SORL1: variants seen among roughly 807,000 people sequenced by gnomAD.
SORL1 encodes the protein sortilin-related receptor.
A neutral mutation model predicts 273.7 loss-of-function variants in SORL1; 127 were observed. The observed-to-expected ratio is 0.46, with a 90% CI of 0.40 to 0.54. SORL1 has a LOEUF of 0.54. Ranked by LOEUF, SORL1 falls within the 20% of genes least tolerant of loss-of-function variation. The pLI, the probability that SORL1 is intolerant of heterozygous loss-of-function variation, is 0.00. For missense variants in SORL1, 2,494 were observed against 2,846.1 expected (o/e 0.88, Z 2.81); for synonymous variants, 1,031 against 1,067.4 (o/e 0.97, Z 0.66).
At chr11:121,566,870 T>C in intron 21 of SORL1, 70 bp from the exon 22 acceptor site, 1 of 1,434,054 alleles carries the variant, frequency 7.0e-7, no homozygotes, top group Non-Finnish European at 9.4e-7. Context: ...GCAGTGGGTC[T>C]CCTTCTTGTA....
At chr11:121,545,638 G>A (rs964491378) in intron 14 of SORL1, among the ~76,000 whole-genome samples, 1 of 152,192 alleles carries the variant, frequency 6.6e-6, no homozygotes, top group Non-Finnish European at 1.5e-5. Flanking sequence ...CAGGTAATGC[G>A]GTAGAGGTGT....
At chr11:121,465,329 C>T (rs1193281698) in intron 1 of SORL1, among the ~76,000 whole-genome samples, 1 of 152,182 alleles carries the variant, frequency 6.6e-6, no homozygotes, top group Non-Finnish European at 1.5e-5. Flanking sequence ...GGTTCAGCCA[C>T]ATTGTAGCAT....
chr11:121,584,837 G>A (rs1411878444), intron 26 of SORL1, among the ~76,000 whole-genome samples: 3 of 152,122 alleles, frequency 2.0e-5, no homozygotes, highest in African/African-American at 7.2e-5. Context: ...CAAGTGATCT[G>A]CCCACCTTGG....
At chr11:121,565,357 C>T (rs947592731) in intron 21 of SORL1, among the ~76,000 whole-genome samples, 2 of 152,126 alleles carry the variant, frequency 1.3e-5, no homozygotes, top group South Asian at 4.1e-4. Flanking sequence ...ACGTTGTTGC[C>T]ATAGCATTGT....
Position 121,595,637 on chromosome 11 carries a change from G to A in SORL1, c.4384G>A (p.Ala1462Thr), listed in dbSNP as rs1290799287. The A allele has an allele frequency of 6.9e-6, 11 of 1,605,816 alleles. No individual in the cohort carries two copies. Among genetic ancestry groups the A allele is most frequent in the Non-Finnish European group, 9.4e-6 (11 of 1,175,972 alleles). ...TTTTATTTTAGCAAACGTCACTGCT[G>A]CCTCCACTCCCACCCAACTTGGGCG... ...ACPLLANVTA[A>T]STPTQLGRCD... Residue 1462 changes from alanine to threonine, a missense_variant, in exon 32 of 48, where the codon GCC (alanine) becomes ACC (threonine). Coordinates refer to ENST00000260197, the MANE Select transcript of SORL1 (RefSeq NM_003105.6). The surrounding 1 kb of genome is among the most constrained non-coding windows in gnomAD (Gnocchi z 5.1).
At position 121,596,989 on chromosome 11, in the gene SORL1, A is replaced by G. The variant is rs1278712704; in HGVS notation, c.4519+1217A>G. Among the ~76,000 whole-genome samples, 1 of 152,156 alleles carries G rather than the reference A, an allele frequency of 6.6e-6. No homozygotes were observed. Among genetic ancestry groups the G allele is most frequent in the Non-Finnish European group, 1.5e-5 (1 of 68,030 alleles). On this transcript the variant is annotated intron_variant, in intron 32 of 47. Coordinates refer to ENST00000260197, the MANE Select transcript of SORL1 (RefSeq NM_003105.6). This position sits in a 1 kb window ranked among gnomAD's most constrained non-coding sequence, Gnocchi z 4.3. ...ATTCAGTATTTACAAAATTTATGGG[A>G]CTTAGCAGGATCATGTGGAAGTGCT...
At position 121,627,789 on chromosome 11, in the gene SORL1, G is replaced by T. The variant is rs746515313; in HGVS notation, c.6577+22G>T. ...CTGGGTAAGTGGGGCAGGGAGAGTCGGTTCTTCCTCCCAGGGCTGACCCCC... is the reference window on the plus strand; with the variant it reads ...CTGGGTAAGTGGGGCAGGGAGAGTCTGTTCTTCCTCCCAGGGCTGACCCCC... On this transcript the variant is annotated intron_variant, in intron 47 of 47. Coordinates refer to ENST00000260197, the MANE Select transcript of SORL1 (RefSeq NM_003105.6). This position sits in a 1 kb window ranked among gnomAD's most constrained non-coding sequence, Gnocchi z 4.9. The T allele has an allele frequency of 1.3e-6, 2 of 1,579,832 alleles. No individual in the cohort carries two copies. The highest frequency in any genetic ancestry group is 1.1e-5 in the South Asian group (1 of 89,692).
intron 21 of SORL1, among the ~76,000 whole-genome samples, chr11:121,561,247 G>A (rs1211359568): frequency 6.6e-6 from 1 of 152,150 alleles, no homozygotes; most frequent in South Asian, 2.1e-4. Context: ...TGGCTACCCG[G>A]TCACAACTTA....
chr11:121,606,902 T>C lies in SORL1; in HGVS notation c.5006T>C (p.Ile1669Thr). The C allele has an allele frequency of 5.6e-6, 9 of 1,614,150 alleles. No homozygotes were observed. The highest frequency in any genetic ancestry group is 2.2e-5 in the South Asian group (2 of 91,088). ...LSLPREAEGV[I>T]VGHWAPPIHT... ...CTCCCCAGGGAAGCAGAAGGTGTGA[T>C]TGTAGGCCACTGGGCTCCTCCCATC... The change falls in exon 36 of 48, where the codon ATT becomes ACT. Residue 1669 changes from isoleucine to threonine, a missense_variant. Ile to Thr is a moderately conservative substitution (Grantham distance 89). Around this residue, in one of 3 missense-constraint regions of SORL1, gnomAD observed 1,609 missense variants for 1,816.4 expected, o/e 0.89. Coordinates refer to ENST00000260197, the MANE Select transcript of SORL1 (RefSeq NM_003105.6).
At chr11:121,485,950 C>T (rs899727625) in intron 3 of SORL1, among the ~76,000 whole-genome samples, 2 of 152,140 alleles carry the variant, frequency 1.3e-5, no homozygotes, top group Non-Finnish European at 2.9e-5. Flanking sequence ...CAAAATATGT[C>T]CCTGGGAAGT....
chr11:121,452,883 T>C lies in SORL1; in HGVS notation c.285+267T>C, dbSNP rs2134757638. ...CCAGGGTGTGTGCAGAGAGATGTAG[T>C]TTCCGGCAGGTATAGGAGGGGTGCA... On this transcript the variant is annotated intron_variant, in intron 1 of 47. Coordinates refer to ENST00000260197, the MANE Select transcript of SORL1 (RefSeq NM_003105.6). The surrounding 1 kb of genome is among the most constrained non-coding windows in gnomAD (Gnocchi z 5.3). 2.6e-6 allele frequency: 1 copy of C among 390,650 alleles called. No homozygotes were observed. Among genetic ancestry groups the C allele is most frequent in the South Asian group, 8.5e-5 (1 of 11,726 alleles). 24.2% of individuals were successfully genotyped at this position (390,650 alleles called of 1,614,324 possible). A position where few individuals can be genotyped will look rare whatever the true frequency, so the allele number is the denominator to read the frequency against.
At chr11:121,588,172 G>A (rs371300684) in intron 28 of SORL1, 21 bp downstream of exon 28, 1 of 1,611,670 alleles carries the variant, frequency 6.2e-7, no homozygotes, top group Non-Finnish European at 8.5e-7. Flanking sequence ...GCAGGCAGGG[G>A]AGGTGACTCA....
At chr11:121,518,732 C>T (rs910800692) in intron 8 of SORL1, among the ~76,000 whole-genome samples, 1 of 152,156 alleles carries the variant, frequency 6.6e-6, no homozygotes, top group Admixed American at 6.6e-5. Context: ...TCTGCTCAGT[C>T]CCTCAGCCTG....
At chr11:121,515,153 G>C (rs1861933083) in intron 8 of SORL1, among the ~76,000 whole-genome samples, 1 of 152,212 alleles carries the variant, frequency 6.6e-6, no homozygotes, top group South Asian at 2.1e-4. Context: ...GTATGCTGCT[G>C]CTCTCTGCCA....
At chr11:121,507,648 C>G (rs183457027) in intron 6 of SORL1, among the ~76,000 whole-genome samples, 1 of 152,130 alleles carries the variant, frequency 6.6e-6, no homozygotes, top group East Asian at 1.9e-4. Flanking sequence ...TTGATATTCT[C>G]TATTTGATGA....
chr11:121,522,997 C>T lies in SORL1; in HGVS notation c.1596+8C>T. On this transcript the variant is annotated splice_region_variant and intron_variant, in intron 11 of 47. Coordinates refer to ENST00000260197, the MANE Select transcript of SORL1 (RefSeq NM_003105.6). ...GGAGCCAGGTGGCGAGAGGTCAGCC[C>T]CCTCCCCCAATCCCGTCCCCTCCAC... 6.3e-7 allele frequency: 1 copy of T among 1,595,962 alleles called. No individual in the cohort carries two copies. Among genetic ancestry groups the T allele is most frequent in the East Asian group, 2.2e-5 (1 of 44,786 alleles).
intron 32 of SORL1, among the ~76,000 whole-genome samples, chr11:121,602,268 G>T (rs769241452): frequency 2.6e-5 from 4 of 152,222 alleles, no homozygotes; most frequent in Admixed American, 6.5e-5. Context: ...ATTATAGTTT[G>T]TGAAAAGCCT....
At chr11:121,545,211 T>C in intron 13 of SORL1, 32 bp from the exon 14 acceptor site, 1 of 1,611,400 alleles carries the variant, frequency 6.2e-7, no homozygotes. Context: ...GGCCTGCCTC[T>C]AATGCTTCGT....
chr11:121,474,888 G>T (rs2134788474), intron 2 of SORL1, among the ~76,000 whole-genome samples: 1 of 152,374 alleles, frequency 6.6e-6, no homozygotes, highest in Admixed American at 6.5e-5. Context: ...TGTGGGGGAA[G>T]ATAGATAACT....
Sources: allele counts gnomAD v4.1 joint callset (sites outside exome capture counted in the v4.1 genomes callset), GRCh38; gene constraint gnomAD v4.1.1; regional missense constraint gnomAD v4.1.1; non-coding constraint Gnocchi (gnomAD v3.1); transcripts MANE v1.5; gene names NCBI Gene and HGNC (gene_info 2026-07-23, HGNC 2026-07-21).